The following DPY19L1 variants were observed in gnomAD, a reference collection of about 807,000 sequenced individuals.
DPY19L1 encodes the protein protein C-mannosyl-transferase DPY19L1.
Under a neutral mutation model 96.9 loss-of-function variants are expected in DPY19L1, and 35 were observed. That is an observed-to-expected ratio of 0.36 (90% CI 0.28 to 0.48). The LOEUF is 0.48. Among genes scored for constraint, DPY19L1 ranks in the 20% least tolerant of loss-of-function variants. The pLI is 0.99. For synonymous variants in DPY19L1, 205 were observed against 252.6 expected, an observed-to-expected ratio of 0.81 and a Z score of 1.79; for missense variants, 521 against 777.9, an observed-to-expected ratio of 0.67 and a Z score of 3.93.
chr7:35,015,066 A>G (rs765396895), intron 3 of DPY19L1, among the ~76,000 whole-genome samples: 9 of 152,154 alleles, frequency 5.9e-5, no homozygotes, highest in Non-Finnish European at 1.3e-4. Context: ...TGGAACTGTG[A>G]GAGAATATAT....
intron 21 of DPY19L1, among the ~76,000 whole-genome samples, chr7:34,937,375 G>A (rs1783890673): frequency 6.6e-6 from 1 of 152,140 alleles, no homozygotes; most frequent in Admixed American, 6.5e-5. Context: ...AGGATAATGT[G>A]ACCCCTGGTG....
intron 16 of DPY19L1, 131 bp from the exon 17 acceptor site, chr7:34,942,770 C>A: frequency 2.8e-6 from 2 of 705,510 alleles, no homozygotes; most frequent in Non-Finnish European, 4.7e-6. Context: ...ACAGGCAAAT[C>A]AAAATAACTA....
intron 4 of DPY19L1, among the ~76,000 whole-genome samples, chr7:35,011,868 AAACT>A (rs1410501065): frequency 1.3e-5 from 2 of 152,256 alleles, no homozygotes; most frequent in South Asian, 2.1e-4. Flanking sequence ...TGTATCTAGA[AAACT>A]AACAAGAAAA....
chr7:34,936,484 A>G (rs936662885), intron 21 of DPY19L1, among the ~76,000 whole-genome samples: 1 of 152,228 alleles, frequency 6.6e-6, no homozygotes, highest in Non-Finnish European at 1.5e-5. Flanking sequence ...AAGCCCAAAG[A>G]AATAAAGAAG....
intron 3 of DPY19L1, among the ~76,000 whole-genome samples, chr7:35,015,285 C>T (rs329231): frequency 0.96 from 146,691 of 152,330 alleles, 70,682 homozygotes; most frequent in East Asian, 1. Flanking sequence ...CATTAAGATA[C>T]TGTAATTTTA....
chr7:35,027,668 T>TAAACAAAAAAAAAAAAAAAAAAAAA (rs1786158183), intron 1 of DPY19L1, among the ~76,000 whole-genome samples: 1 of 71,410 alleles, frequency 1.4e-5, no homozygotes, highest in Non-Finnish European at 3.0e-5. Flanking sequence ...CCGTCTCTAC[T>TAAACAAAAAAAAAAAAAAAAAAAAA]AAAAAAAAAA....
At chr7:34,989,670 G>A (rs1214375251) in intron 7 of DPY19L1, among the ~76,000 whole-genome samples, 1 of 151,214 alleles carries the variant, frequency 6.6e-6, no homozygotes, top group Non-Finnish European at 1.5e-5. Flanking sequence ...AATTGATACA[G>A]TTGATACAGA....
At chr7:35,031,862 A>G (rs1435911136) in intron 1 of DPY19L1, among the ~76,000 whole-genome samples, 4 of 152,218 alleles carry the variant, frequency 2.6e-5, no homozygotes, top group Non-Finnish European at 4.4e-5. Flanking sequence ...AGAAAAAAAA[A>G]TGGCTGTAAA....
At position 34,998,214 on chromosome 7, in the gene DPY19L1, C is replaced by T. The variant is rs572428768; in HGVS notation, c.765-8273G>A. Among the ~76,000 whole-genome samples the T allele has an allele frequency of 2.0e-5, 3 of 152,306 alleles. No individual in the cohort carries two copies. In the South Asian group the frequency reaches 6.2e-4, roughly 32 times the overall value. On this transcript the variant is annotated intron_variant, in intron 6 of 21. Transcript: ENST00000638088. ...TGGAAGAAAAGGCATTTTCTGCTGA[C>T]TACTTATGTCTACAAAAGGACGTCC...
chr7:34,990,051 C>G lies in DPY19L1; in HGVS notation c.765-110G>C, dbSNP rs1017182105. Reference sequence around the variant, plus strand: ...CTGGTATTATATAAGATTTTATAGTCATACTAGAACTCTCCTATGCTTATT... The same window carrying G: ...CTGGTATTATATAAGATTTTATAGTGATACTAGAACTCTCCTATGCTTATT... On this transcript the variant is annotated intron_variant, in intron 6 of 21. Transcript: ENST00000638088. The G allele has an allele frequency of 3.5e-5, 24 of 677,048 alleles. No homozygotes were observed. The African/African-American group carries it at 3.9e-4, about 11-fold the overall frequency. 41.9% of individuals were successfully genotyped at this position (677,048 alleles called of 1,614,324 possible).
chr7:34,991,737 G>T (rs1260548715), intron 6 of DPY19L1, among the ~76,000 whole-genome samples: 1 of 152,148 alleles, frequency 6.6e-6, no homozygotes, highest in African/African-American at 2.4e-5. Flanking sequence ...GTATGTGTCT[G>T]TTCTTCCAAA....
intron 1 of DPY19L1, among the ~76,000 whole-genome samples, chr7:35,021,664 C>T (rs560363714): frequency 6.6e-6 from 1 of 152,178 alleles, no homozygotes; most frequent in Non-Finnish European, 1.5e-5. Flanking sequence ...AGTTGAGTAA[C>T]TTGCATAAGA....
chr7:34,993,377 C>T (rs1363707745), intron 6 of DPY19L1, among the ~76,000 whole-genome samples: 1 of 151,996 alleles, frequency 6.6e-6, no homozygotes, highest in African/African-American at 2.4e-5. Flanking sequence ...GAAATTCAGC[C>T]TTTATCTTAA....
chr7:35,025,414 T>C (rs1786097292), intron 1 of DPY19L1, among the ~76,000 whole-genome samples: 2 of 151,946 alleles, frequency 1.3e-5, no homozygotes, highest in Non-Finnish European at 2.9e-5. Flanking sequence ...CTCAAGCAGA[T>C]GGCATAAAGT....
chr7:34,994,820 C>G (rs1423947872), intron 6 of DPY19L1, among the ~76,000 whole-genome samples: 1 of 151,402 alleles, frequency 6.6e-6, no homozygotes, highest in African/African-American at 2.4e-5. Flanking sequence ...AAAAAAAAAT[C>G]CAATTCCCCG....
At chr7:35,003,543 G>A (rs1387220239) in intron 6 of DPY19L1, among the ~76,000 whole-genome samples, 1 of 152,216 alleles carries the variant, frequency 6.6e-6, no homozygotes, top group Non-Finnish European at 1.5e-5. Flanking sequence ...CAGAGAGCCA[G>A]GGTAAACAGT....
chr7:34,969,911 G>A (rs1384067049), intron 8 of DPY19L1, among the ~76,000 whole-genome samples: 1 of 152,182 alleles, frequency 6.6e-6, no homozygotes, highest in African/African-American at 2.4e-5. Context: ...CTAAGTATTA[G>A]GCAGACAACT....
At chr7:35,010,697 GA>G in intron 5 of DPY19L1, 136 bp from the exon 6 acceptor site, 1 of 663,904 alleles carries the variant, frequency 1.5e-6, no homozygotes, top group Non-Finnish European at 2.7e-6. Context: ...GTTCCCACAT[GA>G]AAACACAACA....
intron 3 of DPY19L1, 96 bp downstream of exon 3, chr7:35,017,786 T>C: frequency 1.0e-6 from 1 of 964,786 alleles, no homozygotes. Context: ...ATCTACTCTT[T>C]CTACTTTGGA....
Sources: allele counts gnomAD v4.1 joint callset (sites outside exome capture counted in the v4.1 genomes callset), GRCh38; gene constraint gnomAD v4.1.1; transcripts MANE v1.5; gene names NCBI Gene and HGNC (gene_info 2026-07-23, HGNC 2026-07-21).